The following ADAMTSL1 variants were observed in gnomAD, a reference collection of about 807,000 sequenced individuals.
ADAMTSL1 encodes ADAMTS like 1.
In ADAMTSL1, 126 loss-of-function variants were observed where a neutral mutation model predicts 201.8. The observed-to-expected ratio is 0.62, with a 90% CI of 0.54 to 0.72. ADAMTSL1 has a LOEUF of 0.72. Among genes scored for constraint, ADAMTSL1 ranks in the 30% least tolerant of loss-of-function variants. The pLI is 0.00. For missense variants in ADAMTSL1, 2,679 were observed against 2,277.8 expected (o/e 1.18, Z -3.59); for synonymous variants, 1,121 against 903.4 (o/e 1.24, Z -4.32).
chr9:18,461,605 A>AT (rs2131710606), intron 2 of ADAMTSL1, among the ~76,000 whole-genome samples: 1 of 152,218 alleles, frequency 6.6e-6, no homozygotes. Flanking sequence ...TTCCACTGGT[A>AT]TTCTAGAATA....
At chr9:18,461,349 T>A (rs1820799179) in intron 2 of ADAMTSL1, among the ~76,000 whole-genome samples, 1 of 152,190 alleles carries the variant, frequency 6.6e-6, no homozygotes, top group Non-Finnish European at 1.5e-5. Context: ...ATTTTTCATG[T>A]AATTTTTTTA....
At chr9:18,850,250 A>G (rs983116558) in intron 23 of ADAMTSL1, among the ~76,000 whole-genome samples, 1 of 152,224 alleles carries the variant, frequency 6.6e-6, no homozygotes, top group African/African-American at 2.4e-5. Context: ...GCCATGTCCA[A>G]CAGGAATGAT....
At chr9:18,367,025 C>T (rs1274350078) in intron 2 of ADAMTSL1, among the ~76,000 whole-genome samples, 1 of 152,206 alleles carries the variant, frequency 6.6e-6, no homozygotes, top group African/African-American at 2.4e-5. Context: ...CCCCTGAGCT[C>T]GCCAAGTATT....
At position 18,906,382 on chromosome 9, in the gene ADAMTSL1, C is replaced by T. The variant is rs541599156; in HGVS notation, c.4962-310C>T. Among the ~76,000 whole-genome samples, 2 of 152,274 alleles carry T rather than the reference C, an allele frequency of 1.3e-5. 1 individual carries two copies. Among genetic ancestry groups the T allele is most frequent in the African/African-American group, 4.8e-5 (2 of 41,552 alleles). On this transcript the variant is annotated intron_variant, in intron 27 of 28. Coordinates refer to ENST00000380548, the MANE Select transcript of ADAMTSL1 (RefSeq NM_001040272.6). ...CCTGGGGCACGGGGACTCACCACCCCCACCTAAGAGCCCAGCCTGTGAGAC... is the reference window on the plus strand; with the variant it reads ...CCTGGGGCACGGGGACTCACCACCCTCACCTAAGAGCCCAGCCTGTGAGAC...
chr9:18,652,307 G>T (rs546294369), intron 7 of ADAMTSL1, among the ~76,000 whole-genome samples: 1 of 144,212 alleles, frequency 6.9e-6, no homozygotes, highest in East Asian at 2.0e-4. Context: ...AGGAGGCGGA[G>T]GTTACAAAGA....
intron 14 of ADAMTSL1, among the ~76,000 whole-genome samples, chr9:18,713,965 A>G (rs1832761331): frequency 1.3e-5 from 2 of 150,016 alleles, no homozygotes; most frequent in South Asian, 4.2e-4. Context: ...CTGCTCAACT[A>G]CATGGAAACT....
chr9:18,003,326 A>G (rs893734352), intron 1 of ADAMTSL1, among the ~76,000 whole-genome samples: 3 of 152,040 alleles, frequency 2.0e-5, no homozygotes, highest in Non-Finnish European at 4.4e-5. Flanking sequence ...GGGTTGTTCT[A>G]CAAGTACCTG....
At chr9:17,993,650 T>G (rs1819254099) in intron 1 of ADAMTSL1, among the ~76,000 whole-genome samples, 1 of 152,174 alleles carries the variant, frequency 6.6e-6, no homozygotes, top group East Asian at 1.9e-4. Context: ...TTGCAGAAAT[T>G]ACACAGTTGT....
At chr9:18,743,644 G>T (rs1006840354) in intron 15 of ADAMTSL1, among the ~76,000 whole-genome samples, 1 of 152,126 alleles carries the variant, frequency 6.6e-6, no homozygotes, top group Non-Finnish European at 1.5e-5. Flanking sequence ...AGACTTCCAG[G>T]AGAAGTGTGG....
chr9:18,148,910 C>T (rs1291896491), intron 1 of ADAMTSL1, among the ~76,000 whole-genome samples: 2 of 151,866 alleles, frequency 1.3e-5, no homozygotes, highest in Non-Finnish European at 1.5e-5. Context: ...CACTTTAGAC[C>T]CTTTCCTTAT....
chr9:18,279,712 A>G (rs1460801047), intron 2 of ADAMTSL1, among the ~76,000 whole-genome samples: 4 of 152,160 alleles, frequency 2.6e-5, no homozygotes, highest in Non-Finnish European at 5.9e-5. Flanking sequence ...AGTTCCATCT[A>G]CACAGATTTT....
chr9:18,500,708 A>T (rs1321547531), intron 1 of ADAMTSL1, among the ~76,000 whole-genome samples: 1 of 152,236 alleles, frequency 6.6e-6, no homozygotes, highest in East Asian at 1.9e-4. Flanking sequence ...ATGCCTGTAA[A>T]GTAAAATAGT....
intron 1 of ADAMTSL1, among the ~76,000 whole-genome samples, chr9:18,113,453 G>A (rs1825116127): frequency 6.6e-6 from 1 of 152,114 alleles, no homozygotes; most frequent in South Asian, 2.1e-4. Flanking sequence ...TACAGATGAG[G>A]CAGAAGAAAG....
At chr9:17,955,733 C>T (rs550141851) in intron 1 of ADAMTSL1, among the ~76,000 whole-genome samples, 1 of 152,184 alleles carries the variant, frequency 6.6e-6, no homozygotes, top group East Asian at 1.9e-4. Flanking sequence ...TGGTATTGTT[C>T]TACTTTATTA....
intron 2 of ADAMTSL1, among the ~76,000 whole-genome samples, chr9:18,263,027 G>GTA (rs1831984062): frequency 6.6e-6 from 1 of 152,200 alleles, no homozygotes; most frequent in African/African-American, 2.4e-5. Flanking sequence ...TGCACAGGAT[G>GTA]TATAGCCCAG....
chr9:17,915,050 T>G (rs1438958303), intron 1 of ADAMTSL1, among the ~76,000 whole-genome samples: 1 of 152,224 alleles, frequency 6.6e-6, no homozygotes, highest in African/African-American at 2.4e-5. Flanking sequence ...TGCATTGTAT[T>G]GAGGTATAAA....
intron 2 of ADAMTSL1, among the ~76,000 whole-genome samples, chr9:18,511,568 G>C (rs1052040114): frequency 4.6e-5 from 7 of 152,086 alleles, no homozygotes; most frequent in African/African-American, 1.7e-4. Context: ...TGCCAGAATG[G>C]TGTCAACATA....
chr9:18,625,687 A>G (rs556356723), intron 5 of ADAMTSL1, among the ~76,000 whole-genome samples: 5 of 152,268 alleles, frequency 3.3e-5, no homozygotes, highest in African/African-American at 1.2e-4. Flanking sequence ...ACTATGTTCT[A>G]TATTTTCCAA....
At chr9:18,446,307 T>C (rs1257643725) in intron 2 of ADAMTSL1, among the ~76,000 whole-genome samples, 1 of 152,160 alleles carries the variant, frequency 6.6e-6, no homozygotes, top group African/African-American at 2.4e-5. Context: ...GGGAAAAAAA[T>C]GTTGACATAA....
Sources: allele counts gnomAD v4.1 joint callset (sites outside exome capture counted in the v4.1 genomes callset), GRCh38; gene constraint gnomAD v4.1.1; transcripts MANE v1.5; gene names NCBI Gene and HGNC (gene_info 2026-07-23, HGNC 2026-07-21).